TMTC2: variants seen among roughly 807,000 people sequenced by gnomAD.
TMTC2 encodes the protein transmembrane O-mannosyltransferase targeting cadherins 2, also known as protein O-mannosyl-transferase TMTC2.
Under a neutral mutation model 82.4 loss-of-function variants are expected in TMTC2, and 43 were observed. The ratio of observed to expected loss-of-function variants is 0.52; its 90% CI spans 0.41 to 0.67. The LOEUF is 0.67. Among genes scored for constraint, TMTC2 ranks in the 30% least tolerant of loss-of-function variants. The pLI, the probability that TMTC2 is intolerant of heterozygous loss-of-function variation, is 0.00. For synonymous variants in TMTC2, 408 were observed against 381.9 expected, an observed-to-expected ratio of 1.07 and a Z score of -0.80; for missense variants, 919 against 1,012.4, an observed-to-expected ratio of 0.91 and a Z score of 1.25.
intron 1 of TMTC2, among the ~76,000 whole-genome samples, chr12:82,712,525 G>A (rs186468327): frequency 6.6e-6 from 1 of 152,094 alleles, no homozygotes; most frequent in African/African-American, 2.4e-5. Context: ...GACACAGGAG[G>A]GGTCTCCAAA....
At chr12:82,729,050 G>A (rs1041962848) in intron 1 of TMTC2, among the ~76,000 whole-genome samples, 5 of 152,204 alleles carry the variant, frequency 3.3e-5, no homozygotes, top group Non-Finnish European at 5.9e-5. Flanking sequence ...CCCGACGAGC[G>A]CTGCCCCCTG....
chr12:83,020,895 T>C (rs1880888342), intron 8 of TMTC2, among the ~76,000 whole-genome samples: 2 of 152,148 alleles, frequency 1.3e-5, no homozygotes, highest in South Asian at 4.1e-4. Context: ...AAGTCAACCA[T>C]GTTGTGTTTA....
intron 1 of TMTC2, among the ~76,000 whole-genome samples, chr12:82,689,759 T>G (rs1288842254): frequency 6.6e-6 from 1 of 152,178 alleles, no homozygotes; most frequent in Non-Finnish European, 1.5e-5. Flanking sequence ...TCTAATGGAG[T>G]GTTAAAATTC....
chr12:82,990,328 G>A (rs1879347488), intron 8 of TMTC2, among the ~76,000 whole-genome samples: 1 of 152,124 alleles, frequency 6.6e-6, no homozygotes, highest in African/African-American at 2.4e-5. Flanking sequence ...ATTACAGTCA[G>A]TGGAATGATT....
chr12:82,764,168 CATT>C (rs1190686297), intron 1 of TMTC2, among the ~76,000 whole-genome samples: 1 of 152,088 alleles, frequency 6.6e-6, no homozygotes, highest in African/African-American at 2.4e-5. Context: ...GATGGAGTCT[CATT>C]GTGTCACTCA....
chr12:82,880,119 A>G (rs1872752847), intron 2 of TMTC2, among the ~76,000 whole-genome samples: 1 of 152,220 alleles, frequency 6.6e-6, no homozygotes, highest in Middle Eastern at 3.2e-3. Flanking sequence ...TTGATTTGGG[A>G]TATGGTTCAG....
intron 8 of TMTC2, among the ~76,000 whole-genome samples, chr12:82,992,251 A>T (rs1252604577): frequency 6.6e-6 from 1 of 152,188 alleles, no homozygotes; most frequent in Non-Finnish European, 1.5e-5. Context: ...ATTATTATTT[A>T]GAGCTAAGAC....
At chr12:82,984,986 T>C (rs1441295307) in intron 7 of TMTC2, among the ~76,000 whole-genome samples, 2 of 150,744 alleles carry the variant, frequency 1.3e-5, no homozygotes, top group African/African-American at 2.4e-5. Flanking sequence ...CATCTGTTTA[T>C]TGGATTTTCC....
chr12:82,976,353 A>G (rs1878674131), intron 7 of TMTC2, among the ~76,000 whole-genome samples: 1 of 152,082 alleles, frequency 6.6e-6, no homozygotes, highest in Non-Finnish European at 1.5e-5. Flanking sequence ...GGAACTTGTA[A>G]AAGTTTCACT....
At chr12:82,935,464 T>G (rs1393174984) in intron 4 of TMTC2, among the ~76,000 whole-genome samples, 1 of 152,172 alleles carries the variant, frequency 6.6e-6, no homozygotes, top group East Asian at 1.9e-4. Flanking sequence ...TCATGTATAA[T>G]ACATTTTCAG....
chr12:82,911,081 C>T (rs1001333388), intron 3 of TMTC2, among the ~76,000 whole-genome samples: 13 of 152,048 alleles, frequency 8.5e-5, no homozygotes, highest in Admixed American at 3.3e-4. Flanking sequence ...AGAGTTTCAC[C>T]GTGTTAGCCA....
At chr12:82,832,413 T>G (rs557667458) in intron 1 of TMTC2, among the ~76,000 whole-genome samples, 1 of 152,148 alleles carries the variant, frequency 6.6e-6, no homozygotes, top group African/African-American at 2.4e-5. Context: ...AAAGGAAACT[T>G]ATAGTATACA....
intron 3 of TMTC2, among the ~76,000 whole-genome samples, chr12:82,928,292 A>C (rs11115492): frequency 0.66 from 100,369 of 151,918 alleles, 34,835 homozygotes; most frequent in South Asian, 0.82. Flanking sequence ...CTCATTTAGT[A>C]ATCACACAAT....
intron 4 of TMTC2, among the ~76,000 whole-genome samples, chr12:82,955,347 A>G (rs1187233420): frequency 6.6e-6 from 1 of 152,246 alleles, no homozygotes; most frequent in African/African-American, 2.4e-5. Context: ...AGGATCACCT[A>G]GGGACCCATA....
chr12:83,067,658 A>T (rs968649304), intron 11 of TMTC2, among the ~76,000 whole-genome samples: 1 of 152,054 alleles, frequency 6.6e-6, no homozygotes, highest in South Asian at 2.1e-4. Context: ...TTAAAGACTC[A>T]TGGACAACTG....
intron 3 of TMTC2, among the ~76,000 whole-genome samples, chr12:82,911,966 C>T (rs1874691071): frequency 6.6e-6 from 1 of 152,128 alleles, no homozygotes; most frequent in South Asian, 2.1e-4. Context: ...ACAAAAACAT[C>T]ATCTTGAGAG....
At chr12:82,922,553 C>T (rs1448048847) in intron 3 of TMTC2, among the ~76,000 whole-genome samples, 2 of 151,800 alleles carry the variant, frequency 1.3e-5, no homozygotes, top group Non-Finnish European at 2.9e-5. Context: ...AGGTTAATCC[C>T]TGTAAGCTTC....
chr12:83,006,329 C>T (rs957096189), intron 8 of TMTC2, among the ~76,000 whole-genome samples: 5 of 152,214 alleles, frequency 3.3e-5, no homozygotes, highest in Admixed American at 6.5e-5. Context: ...TGGTCTCACT[C>T]GCTTGGAGAG....
At chr12:82,846,946 C>A (rs1870717264) in intron 1 of TMTC2, among the ~76,000 whole-genome samples, 1 of 152,030 alleles carries the variant, frequency 6.6e-6, no homozygotes, top group African/African-American at 2.4e-5. Context: ...AAGCGTAGTG[C>A]CTTCCTTTAC....
Sources: gnomAD v4.1 joint callset for allele counts (sites outside exome capture counted in the v4.1 genomes callset) on GRCh38, gnomAD v4.1.1 for gene constraint, MANE v1.5 for transcripts, NCBI Gene and HGNC (gene_info 2026-07-23, HGNC 2026-07-21) for gene names.